The following EMC3 variants were observed in gnomAD, a reference collection of about 807,000 sequenced individuals.
EMC3 encodes the protein ER membrane protein complex subunit 3.
A neutral mutation model predicts 36.6 loss-of-function variants in EMC3; 13 were observed. The observed-to-expected ratio is 0.35, with a 90% CI of 0.23 to 0.56. The LOEUF (loss-of-function observed/expected upper bound fraction) is 0.56. Ranked by LOEUF, EMC3 falls within the 20% of genes least tolerant of loss-of-function variation. The pLI is 0.84. For synonymous variants in EMC3, 120 were observed against 111.9 expected, an observed-to-expected ratio of 1.07 and a Z score of -0.46; for missense variants, 220 against 324.5, an observed-to-expected ratio of 0.68 and a Z score of 2.47.
intron 3 of EMC3, among the ~76,000 whole-genome samples, chr3:9,975,529 T>C (rs2124907906): frequency 6.6e-6 from 1 of 151,698 alleles, no homozygotes; most frequent in Middle Eastern, 3.4e-3. Flanking sequence ...AAGAGATATC[T>C]TGGCCAGGCA....
intron 1 of EMC3, among the ~76,000 whole-genome samples, chr3:9,995,425 A>G (rs552057589): frequency 6.6e-6 from 1 of 151,730 alleles, no homozygotes; most frequent in East Asian, 1.9e-4. Context: ...AATATGGGAA[A>G]TAGGTCAAGA....
chr3:9,995,698 C>T (rs1329341112), intron 1 of EMC3, among the ~76,000 whole-genome samples: 2 of 151,892 alleles, frequency 1.3e-5, no homozygotes, highest in African/African-American at 4.8e-5. Flanking sequence ...GTGCAGTTGG[C>T]GCTGTCTCAG....
chr3:9,966,865 C>T (rs1160335998), intron 7 of EMC3, among the ~76,000 whole-genome samples: 1 of 152,286 alleles, frequency 6.6e-6, no homozygotes, highest in East Asian at 1.9e-4. Flanking sequence ...TAAGCCACTG[C>T]GCCCAGCCAA....
At chr3:9,993,483 A>C (rs1391433651) in intron 1 of EMC3, among the ~76,000 whole-genome samples, 1 of 148,868 alleles carries the variant, frequency 6.7e-6, no homozygotes, top group Non-Finnish European at 1.5e-5. Flanking sequence ...ACCTCATTGG[A>C]TCTTACATTT....
chr3:9,999,257 T>G (rs1443084637), intron 1 of EMC3, among the ~76,000 whole-genome samples: 3 of 151,980 alleles, frequency 2.0e-5, no homozygotes, highest in Admixed American at 6.6e-5. Context: ...TTTTTTTTTT[T>G]TTGGAGATGG....
intron 7 of EMC3, among the ~76,000 whole-genome samples, chr3:9,965,944 TTTGA>T (rs1021612806): frequency 6.6e-6 from 1 of 152,238 alleles, no homozygotes; most frequent in African/African-American, 2.4e-5. Flanking sequence ...ATGTCTACTT[TTTGA>T]TTATTATGAA....
upstream of EMC3, among the ~76,000 whole-genome samples, chr3:9,990,572 CA>C (rs950915991): frequency 2.0e-5 from 3 of 151,868 alleles, no homozygotes; most frequent in Non-Finnish European, 4.4e-5. Flanking sequence ...TGAAGTGCCA[CA>C]ATCTCGGTTC....
At chr3:9,987,944 A>C, upstream of EMC3, 1 of 1,037,018 alleles carries the variant, frequency 9.6e-7, no homozygotes, top group Non-Finnish European at 1.5e-6. Flanking sequence ...ATCCTGCAGC[A>C]TTGTGTTTTG....
At chr3:10,008,656 G>A (rs189891551) in intron 1 of EMC3, 38 of 365,864 alleles carry the variant, frequency 1.0e-4, no homozygotes, top group Admixed American at 2.3e-4. Context: ...GCGAAATCTG[G>A]CCAGGAACAG....
upstream of EMC3, chr3:9,988,393 C>T (rs988455129): frequency 1.4e-5 from 17 of 1,258,484 alleles, no homozygotes; most frequent in African/African-American, 1.5e-4. Context: ...ATCAAGAAAG[C>T]AGCGGTCAGA....
chr3:9,982,890 AAAAAAAAAAG>A (rs1367208664), intron 1 of EMC3, among the ~76,000 whole-genome samples: 4 of 151,900 alleles, frequency 2.6e-5, no homozygotes, highest in Admixed American at 6.6e-5. Context: ...GTCACTTAAA[AAAAAAAAAAG>A]AAAAAAAAAG....
upstream of EMC3, chr3:9,988,506 G>A: frequency 1.8e-6 from 2 of 1,115,370 alleles, no homozygotes; most frequent in South Asian, 1.2e-5. Context: ...TGATTATCAA[G>A]GAGGAAATGA....
chr3:10,003,115 A>T (rs1210760301), intron 1 of EMC3: 2 of 455,300 alleles, frequency 4.4e-6, no homozygotes, highest in Non-Finnish European at 8.8e-6. Flanking sequence ...AGACCCAGAA[A>T]CCTCTGGCTC....
upstream of EMC3, chr3:9,987,900 C>G (rs2085996920): frequency 1.0e-6 from 1 of 965,584 alleles, no homozygotes; most frequent in African/African-American, 1.6e-5. Flanking sequence ...TATTAACTTT[C>G]TGCAGGTAAT....
intron 7 of EMC3, 105 bp from the exon 8 acceptor site, chr3:9,964,302 T>A: frequency 6.7e-7 from 1 of 1,494,020 alleles, no homozygotes; most frequent in Non-Finnish European, 8.9e-7. Flanking sequence ...TGGAGTGAGC[T>A]ATCTGCATGT....
chr3:9,992,759 T>C (rs1475028799), intron 1 of EMC3: 3 of 677,066 alleles, frequency 4.4e-6, no homozygotes, highest in Non-Finnish European at 7.6e-6. Flanking sequence ...ACCAGGGGAG[T>C]GTGTGGAACA....
At chr3:9,993,474 C>G (rs961539100) in intron 1 of EMC3, among the ~76,000 whole-genome samples, 2 of 152,066 alleles carry the variant, frequency 1.3e-5, no homozygotes, top group Admixed American at 1.3e-4. Context: ...AATGAGAATA[C>G]CTCATTGGAT....
chr3:10,003,479 G>C, intron 1 of EMC3: 1 of 350,828 alleles, frequency 2.9e-6, no homozygotes, highest in Non-Finnish European at 5.6e-6. Flanking sequence ...AGTCAGTGTA[G>C]ACAGGTGGCA....
chr3:10,009,501 C>G (rs1467685033), intron 1 of EMC3, among the ~76,000 whole-genome samples: 31 of 152,234 alleles, frequency 2.0e-4, no homozygotes, highest in Admixed American at 2.0e-3. Context: ...CCTTTACTTT[C>G]CTATAACCCG....
Sources: allele counts gnomAD v4.1 joint callset (sites outside exome capture counted in the v4.1 genomes callset), GRCh38; gene constraint gnomAD v4.1.1; transcripts MANE v1.5; gene names NCBI Gene and HGNC (gene_info 2026-07-23, HGNC 2026-07-21).